Variants in SDK1 observed in about 807,000 individuals in gnomAD.
SDK1 encodes protein sidekick-1.
In SDK1, 157 loss-of-function variants were observed where a neutral mutation model predicts 245.5. The observed-to-expected ratio is 0.64, with a 90% CI of 0.56 to 0.73. The LOEUF (loss-of-function observed/expected upper bound fraction) is 0.73. Among genes scored for constraint, SDK1 ranks in the 30% least tolerant of loss-of-function variants. The pLI is 0.00. For synonymous variants in SDK1, 1,647 were observed against 1,278.5 expected (o/e 1.29, Z -6.15); for missense variants, 3,583 against 3,002.3 (o/e 1.19, Z -4.52).
intron 4 of SDK1, among the ~76,000 whole-genome samples, chr7:3,817,675 A>T (rs541848569): frequency 2.0e-5 from 3 of 152,174 alleles, no homozygotes; most frequent in Non-Finnish European, 4.4e-5. Context: ...GTCGATGCCT[A>T]GCAAGGTGGC....
At chr7:3,741,405 G>C (rs1431105264) in intron 4 of SDK1, among the ~76,000 whole-genome samples, 7 of 152,148 alleles carry the variant, frequency 4.6e-5, no homozygotes, top group Non-Finnish European at 8.8e-5. Flanking sequence ...CCTTGTGTGG[G>C]AATCGTGCAC....
intron 44 of SDK1, among the ~76,000 whole-genome samples, chr7:4,258,083 T>C (rs1489786416): frequency 6.6e-6 from 1 of 152,204 alleles, no homozygotes; most frequent in Admixed American, 6.5e-5. Flanking sequence ...TCACAGACCC[T>C]TCTCTTGAGA....
intron 13 of SDK1, among the ~76,000 whole-genome samples, chr7:3,980,472 A>T (rs895889701): frequency 1.3e-5 from 2 of 152,136 alleles, no homozygotes; most frequent in African/African-American, 4.8e-5. Context: ...GAGTCACTCT[A>T]CTGATCATTT....
chr7:3,826,741 T>A (rs560929629), intron 5 of SDK1, among the ~76,000 whole-genome samples: 1 of 152,360 alleles, frequency 6.6e-6, no homozygotes, highest in Non-Finnish European at 1.5e-5. Flanking sequence ...GAGTGTCACC[T>A]GGGGCCACCT....
At chr7:3,409,181 T>C (rs990076872) in intron 1 of SDK1, among the ~76,000 whole-genome samples, 3 of 152,232 alleles carry the variant, frequency 2.0e-5, no homozygotes, top group African/African-American at 4.8e-5. Flanking sequence ...AGCCTTGTTA[T>C]TCAATTTCAT....
At chr7:3,408,867 A>G (rs1257933045) in intron 1 of SDK1, among the ~76,000 whole-genome samples, 1 of 152,180 alleles carries the variant, frequency 6.6e-6, no homozygotes, top group Non-Finnish European at 1.5e-5. Context: ...CTTCTTTATC[A>G]AAGGCTTGCA....
At chr7:4,073,245 C>G (rs1039669944) in intron 20 of SDK1, among the ~76,000 whole-genome samples, 2 of 152,166 alleles carry the variant, frequency 1.3e-5, no homozygotes, top group South Asian at 4.1e-4. Flanking sequence ...GCACCTCCCC[C>G]AAAAGCTGTT....
chr7:3,637,873 C>A (rs1295889726), intron 2 of SDK1, among the ~76,000 whole-genome samples: 1 of 152,238 alleles, frequency 6.6e-6, no homozygotes, highest in Non-Finnish European at 1.5e-5. Flanking sequence ...GAGAGAGACG[C>A]CCTGATGGCA....
chr7:4,069,147 C>T (rs1780083625), intron 20 of SDK1, among the ~76,000 whole-genome samples: 1 of 152,202 alleles, frequency 6.6e-6, no homozygotes, highest in East Asian at 1.9e-4. Flanking sequence ...TGGGCAGGGC[C>T]CCCTGTTCTA....
chr7:4,180,403 T>C (rs137964939), intron 35 of SDK1, among the ~76,000 whole-genome samples: 45,418 of 101,114 alleles, frequency 0.45, 8,727 homozygotes, highest in African/African-American at 0.61. Context: ...GCCCAGCGCC[T>C]GGCTCCAGCT....
intron 35 of SDK1, among the ~76,000 whole-genome samples, chr7:4,198,024 C>T (rs185291096): frequency 6.2e-4 from 94 of 152,358 alleles, no homozygotes; most frequent in African/African-American, 2.2e-3. Context: ...CCCACTGCAT[C>T]TAAGGCAGCG....
intron 1 of SDK1, among the ~76,000 whole-genome samples, chr7:3,319,876 G>GTGTTTTTTTTTTTTTTTTTTTT (rs1562411105): frequency 2.4e-5 from 1 of 40,990 alleles, no homozygotes; most frequent in Non-Finnish European, 5.1e-5. Flanking sequence ...CCCATTCTTA[G>GTGTTTTTTTTTTTTTTTTTTTT]TCTTTTTTTT....
intron 23 of SDK1, among the ~76,000 whole-genome samples, chr7:4,111,612 C>G (rs542282826): frequency 6.6e-6 from 1 of 151,588 alleles, no homozygotes; most frequent in East Asian, 1.9e-4. Flanking sequence ...AATCAGGACA[C>G]AATACACTGG....
At chr7:3,406,983 G>A (rs1202714624) in intron 1 of SDK1, among the ~76,000 whole-genome samples, 2 of 152,116 alleles carry the variant, frequency 1.3e-5, no homozygotes, top group Non-Finnish European at 2.9e-5. Context: ...ATAAACTAGA[G>A]TGGATGAGGC....
intron 1 of SDK1, among the ~76,000 whole-genome samples, chr7:3,506,214 GT>G: frequency 6.6e-6 from 1 of 151,882 alleles, no homozygotes; most frequent in Non-Finnish European, 1.5e-5. Flanking sequence ...AAAAATTTTG[GT>G]ACTATTTTTG....
chr7:3,756,431 A>T (rs971433416), intron 4 of SDK1, among the ~76,000 whole-genome samples: 1 of 151,860 alleles, frequency 6.6e-6, no homozygotes, highest in African/African-American at 2.4e-5. Context: ...GACTCCTTTC[A>T]CATGGCATAG....
chr7:3,931,998 C>A (rs1052404301), intron 5 of SDK1, among the ~76,000 whole-genome samples: 1 of 152,206 alleles, frequency 6.6e-6, no homozygotes, highest in South Asian at 2.1e-4. Context: ...ACCACTCTTA[C>A]TGTTCATTGG....
intron 1 of SDK1, among the ~76,000 whole-genome samples, chr7:3,612,721 G>T (rs923169486): frequency 6.6e-6 from 1 of 152,192 alleles, no homozygotes; most frequent in Non-Finnish European, 1.5e-5. Flanking sequence ...TAGTCGCCCT[G>T]GGAAATTCAG....
intron 1 of SDK1, among the ~76,000 whole-genome samples, chr7:3,432,143 T>C (rs1280345523): frequency 2.0e-5 from 3 of 148,426 alleles, no homozygotes; most frequent in Non-Finnish European, 4.5e-5. Context: ...ATGTATTTTA[T>C]ATTTAAAAAA....
Sources: allele counts gnomAD v4.1 joint callset (sites outside exome capture counted in the v4.1 genomes callset), GRCh38; gene constraint gnomAD v4.1.1; transcripts MANE v1.5; gene names NCBI Gene and HGNC (gene_info 2026-07-23, HGNC 2026-07-21).